The following TMC1 variants were observed in gnomAD, a reference collection of about 807,000 sequenced individuals.
TMC1 encodes the protein transmembrane channel like 1.
In TMC1, 84 loss-of-function variants were observed where a neutral mutation model predicts 105.8. That is an observed-to-expected ratio of 0.79 (90% CI 0.67 to 0.95). The LOEUF (loss-of-function observed/expected upper bound fraction) is 0.95. Among genes scored for constraint, TMC1 ranks in the 40% least tolerant of loss-of-function variants. The pLI, the probability that TMC1 is intolerant of heterozygous loss-of-function variation, is 0.00. For missense variants in TMC1, 817 were observed against 914.1 expected (o/e 0.89, Z 1.37); for synonymous variants, 315 against 311.5 (o/e 1.01, Z -0.12).
chr9:72,543,154 A>G (rs963226116), intron 1 of TMC1, among the ~76,000 whole-genome samples: 8 of 152,238 alleles, frequency 5.3e-5, no homozygotes, highest in Admixed American at 3.3e-4. Flanking sequence ...TTCTCATTCA[A>G]CTAGTTTCTC....
At chr9:72,588,547 AG>A (rs1824588436) in intron 2 of TMC1, among the ~76,000 whole-genome samples, 1 of 152,140 alleles carries the variant, frequency 6.6e-6, no homozygotes, top group South Asian at 2.1e-4. Flanking sequence ...GCTCCCTTAC[AG>A]TATGGTGGCT....
Position 72,525,590 on chromosome 9 carries a change from C to T in TMC1, c.-428+3677C>T, listed in dbSNP as rs143195673. On this transcript the variant is annotated intron_variant, in intron 1 of 23. Coordinates refer to ENST00000297784, the MANE Select transcript of TMC1 (RefSeq NM_138691.3). ...TCAAAGGCCATCTGGGACTGACAAA[C>T]GCAGAGCTTGTTGTAGATGACAAGG... Among the ~76,000 whole-genome samples the T allele has an allele frequency of 1.3e-4, 20 of 152,308 alleles. 1 individual carries two copies. The South Asian group carries it at 3.5e-3, about 27-fold the overall frequency.
chr9:72,657,238 T>C (rs1426198888), intron 5 of TMC1, among the ~76,000 whole-genome samples: 2 of 152,212 alleles, frequency 1.3e-5, no homozygotes, highest in Admixed American at 1.3e-4. Context: ...CCCCTGCCCA[T>C]GTTGCAGCCT....
chr9:72,529,854 A>G (rs759496215), intron 1 of TMC1, among the ~76,000 whole-genome samples: 3 of 152,166 alleles, frequency 2.0e-5, no homozygotes, highest in South Asian at 2.1e-4. Context: ...AAAAATTTCT[A>G]AGAGGAAGGA....
rs141505830 is a variant in TMC1, at chr9:72,735,202, G to C, written c.363-4917G>C. 3.9e-3 allele frequency among the ~76,000 whole-genome samples: 596 copies of C among 152,286 alleles called. 2 individuals carry two copies. The highest frequency in any genetic ancestry group is 0.014 in the African/African-American group (571 of 41,552). On this transcript the variant is annotated intron_variant, in intron 8 of 23. Transcript: ENST00000297784. ...GTAGCACGGTTTGCTTCAGCTCTGA[G>C]ACCTGAAGACCAGATTACAGTCTTG...
chr9:72,738,062 A>T (rs771616044), intron 8 of TMC1, among the ~76,000 whole-genome samples: 1 of 152,220 alleles, frequency 6.6e-6, no homozygotes, highest in South Asian at 2.1e-4. Context: ...ATCTACCCCA[A>T]ACTATGTCAA....
At chr9:72,586,232 A>C (rs1047164118) in intron 2 of TMC1, among the ~76,000 whole-genome samples, 1 of 152,192 alleles carries the variant, frequency 6.6e-6, no homozygotes, top group Non-Finnish European at 1.5e-5. Context: ...TGCCAGTTTG[A>C]TTCAGATAAA....
At chr9:72,703,315 T>TG (rs1826677425) in intron 8 of TMC1, among the ~76,000 whole-genome samples, 1 of 151,984 alleles carries the variant, frequency 6.6e-6, no homozygotes, top group South Asian at 2.1e-4. Context: ...TGTGTAGGGA[T>TG]GGGGTCTTAC....
chr9:72,789,421 C>A, intron 15 of TMC1, 104 bp downstream of exon 15: 1 of 1,095,920 alleles, frequency 9.1e-7, no homozygotes. Context: ...CTTTACCTAT[C>A]CCCTATCCTG....
At chr9:72,835,133 T>C (rs1829101338) in intron 23 of TMC1, among the ~76,000 whole-genome samples, 1 of 152,142 alleles carries the variant, frequency 6.6e-6, no homozygotes, top group Non-Finnish European at 1.5e-5. Flanking sequence ...TATGCAACCT[T>C]CTCCATCTTC....
chr9:72,558,565 C>T (rs970447043), intron 1 of TMC1, among the ~76,000 whole-genome samples: 4 of 152,164 alleles, frequency 2.6e-5, no homozygotes, highest in African/African-American at 9.7e-5. Context: ...AATAGAATTT[C>T]AGGCTCAGTG....
intron 3 of TMC1, among the ~76,000 whole-genome samples, chr9:72,621,855 T>A (rs1380562096): frequency 2.0e-5 from 3 of 152,218 alleles, no homozygotes; most frequent in Non-Finnish European, 4.4e-5. Context: ...ATAGTTTGTC[T>A]TGTTAATTCT....
chr9:72,581,730 T>C (rs748266059), intron 2 of TMC1, among the ~76,000 whole-genome samples: 9 of 152,226 alleles, frequency 5.9e-5, no homozygotes, highest in Admixed American at 1.3e-4. Context: ...TAAATAAAAC[T>C]TAATAATGGG....
chr9:72,627,539 G>T (rs1184277593), intron 3 of TMC1, among the ~76,000 whole-genome samples: 2 of 152,176 alleles, frequency 1.3e-5, no homozygotes, highest in Non-Finnish European at 2.9e-5. Context: ...ACTTGCTTGT[G>T]GTTTCCTTGC....
intron 2 of TMC1, among the ~76,000 whole-genome samples, chr9:72,610,376 G>A (rs1825004079): frequency 6.6e-6 from 1 of 152,152 alleles, no homozygotes; most frequent in African/African-American, 2.4e-5. Context: ...TAGAGACCCA[G>A]GAGAACCTAT....
intron 5 of TMC1, among the ~76,000 whole-genome samples, chr9:72,680,375 A>C (rs1444995248): frequency 3.3e-5 from 5 of 152,182 alleles, no homozygotes; most frequent in African/African-American, 7.2e-5. Flanking sequence ...GAATAACTAG[A>C]ATTCAGAATT....
intron 9 of TMC1, 56 bp downstream of exon 9, chr9:72,740,265 G>T: frequency 6.8e-7 from 1 of 1,474,418 alleles, no homozygotes; most frequent in South Asian, 1.1e-5. Context: ...GAAGAACACT[G>T]GTTCTTTTCT....
chr9:72,648,216 T>C (rs1023891617), intron 4 of TMC1, among the ~76,000 whole-genome samples: 2 of 152,130 alleles, frequency 1.3e-5, no homozygotes, highest in African/African-American at 4.8e-5. Context: ...TAGTGGCTGG[T>C]ATTTCTTACC....
intron 4 of TMC1, among the ~76,000 whole-genome samples, chr9:72,638,502 G>C (rs1022622751): frequency 6.6e-6 from 1 of 152,136 alleles, no homozygotes; most frequent in Admixed American, 6.5e-5. Flanking sequence ...TCACCGAACT[G>C]CAGCAGCCCC....
Sources: allele counts gnomAD v4.1 joint callset (sites outside exome capture counted in the v4.1 genomes callset), GRCh38; gene constraint gnomAD v4.1.1; transcripts MANE v1.5; gene names NCBI Gene and HGNC (gene_info 2026-07-23, HGNC 2026-07-21).